Variants in KIF22 observed in about 807,000 individuals in gnomAD.
KIF22 encodes the protein kinesin-like protein KIF22.
Under a neutral mutation model 73.0 loss-of-function variants are expected in KIF22, and 62 were observed. The ratio of observed to expected loss-of-function variants is 0.85; its 90% CI spans 0.69 to 1.05. KIF22 has a LOEUF of 1.05. Among genes scored for constraint, KIF22 ranks in the 50% least tolerant of loss-of-function variants. The pLI is 0.00. For missense variants in KIF22, 854 were observed against 870.1 expected, an observed-to-expected ratio of 0.98 and a Z score of 0.23; for synonymous variants, 411 against 340.1, an observed-to-expected ratio of 1.21 and a Z score of -2.29.
At position 29,804,835 on chromosome 16, in the gene KIF22, G is replaced by C. The variant is rs1415238687; in HGVS notation, c.1699G>C (p.Glu567Gln). Residue 567 changes from glutamate to glutamine, a missense_variant, in exon 12 of 14, where the codon GAG becomes CAG. This residue lies in a region of KIF22 where 423 missense variants were observed against 365.4 expected (regional missense o/e 1.16). Transcript: ENST00000160827. ...KRKLESLDAL[E>Q]PEEKAEDCWE... is the part of the protein sequence containing the mutation. ...CCAGCTGGAGTCCCTGGATGCCCTA[G>C]AGCCTGAGGAGAAGGCTGAGGACTG... 9 of 1,612,000 alleles carry C rather than the reference G, an allele frequency of 5.6e-6. No homozygotes were observed. The highest frequency in any genetic ancestry group is 7.6e-6 in the Non-Finnish European group (9 of 1,179,312).
In KIF22 at chr16:29,804,729, A is replaced by G; in HGVS notation, c.1678-85A>G. On this transcript the variant is annotated intron_variant, in intron 11 of 13. Coordinates refer to ENST00000160827, the MANE Select transcript of KIF22 (RefSeq NM_007317.3). ...AGGAAGAGGCTGGAGCGCAGGAGGT[A>G]GCTGGTGCTGGGCTCCTAGTCTTGG... 2.9e-6 allele frequency: 3 copies of G among 1,052,422 alleles called. No individual in the cohort carries two copies. The South Asian group carries it at 4.1e-5, about 14-fold the overall frequency. 65.2% of individuals were successfully genotyped at this position (1,052,422 alleles called of 1,614,324 possible).
rs546477515 is a variant in KIF22 at position 29,799,739 on chromosome 16, G to A, written c.1102G>A (p.Val368Met). ...ALNFAARSKE[V>M]INRPFTNESL... is the part of the protein sequence containing the mutation. ...CAACTTTGCTGCCAGGTCCAAGGAG[G>A]TGATCAATCGGCCTTTTACCAATGA... Residue 368 changes from valine (V) to methionine (M), a missense_variant, in exon 7 of 14, where the codon GTG becomes ATG. Around this residue, in one of 3 missense-constraint regions of KIF22, gnomAD observed 245 missense variants for 351.8 expected, o/e 0.70. Coordinates refer to ENST00000160827, the MANE Select transcript of KIF22 (RefSeq NM_007317.3). 1 of 1,613,294 alleles carries A rather than the reference G, an allele frequency of 6.2e-7. No homozygotes were observed. The highest frequency in any genetic ancestry group is 1.1e-5 in the South Asian group (1 of 90,922).
At chr16:29,792,886 C>T (rs1898854323) in intron 1 of KIF22, among the ~76,000 whole-genome samples, 1 of 152,162 alleles carries the variant, frequency 6.6e-6, no homozygotes, top group African/African-American at 2.4e-5. Context: ...GGCAGGGAGA[C>T]ACCTTGCTAC....
intron 8 of KIF22, among the ~76,000 whole-genome samples, chr16:29,802,177 G>T (rs1333851549): frequency 6.6e-6 from 1 of 150,402 alleles, no homozygotes; most frequent in Non-Finnish European, 1.5e-5. Context: ...TGAGACAGGG[G>T]GATTGCTTAA....
chr16:29,793,514 T>G (rs1254777014), intron 1 of KIF22, among the ~76,000 whole-genome samples: 1 of 152,134 alleles, frequency 6.6e-6, no homozygotes, highest in African/African-American at 2.4e-5. Context: ...CAATAGGACT[T>G]ATCAGCTGTA....
chr16:29,791,757 T>C (rs1898823737), intron 1 of KIF22, among the ~76,000 whole-genome samples: 1 of 152,210 alleles, frequency 6.6e-6, no homozygotes, highest in Non-Finnish European at 1.5e-5. Context: ...CTAGTAAATA[T>C]TGGGGCTTGA....
Position 29,800,012 on chromosome 16 carries a change from C to T in KIF22, c.1244C>T (p.Pro415Leu), listed in dbSNP as rs760307966. Residue 415 changes from proline (P) to leucine (L), a missense_variant, in exon 8 of 14, where the codon CCC becomes CTC. Physicochemically the swap from Pro to Leu is moderately conservative, Grantham distance 98. Transcript: ENST00000160827. The stretch of plus-strand genomic sequence containing the variant: ...GAAGAGGAGATCGGGAGCCCTGAGC[C>T]CATGGCAGCTCCAGCCTCTGCCTCC... ...PEEEEIGSPE[P>L]MAAPASASQK... The T allele has an allele frequency of 1.2e-6, 2 of 1,613,684 alleles. No individual in the cohort carries two copies. Among genetic ancestry groups the T allele is most frequent in the South Asian group, 2.2e-5 (2 of 91,086 alleles).
Position 29,797,374 on chromosome 16 carries a change from T to C in KIF22, c.266+286T>C, listed in dbSNP as rs1898978855. 6.6e-6 allele frequency among the ~76,000 whole-genome samples: 1 copy of C among 151,896 alleles called. No individual in the cohort carries two copies. The highest frequency in any genetic ancestry group is 1.5e-5 in the Non-Finnish European group (1 of 67,976). ...CCCCAAGTAGAGGCTGGGGGACATA[T>C]CAGGAGGGTTGGCGGAACACAGACC... On this transcript the variant is annotated intron_variant, in intron 2 of 13. Coordinates refer to ENST00000160827, the MANE Select transcript of KIF22 (RefSeq NM_007317.3). This position sits in a 1 kb window ranked among gnomAD's most constrained non-coding sequence, Gnocchi z 4.1.
chr16:29,804,296 T>C (rs746684509), intron 11 of KIF22: 1 of 608,956 alleles, frequency 1.6e-6, no homozygotes. Flanking sequence ...TGTTCCACTG[T>C]GTAGCCTGGC....
intron 11 of KIF22, chr16:29,804,561 AC>A (rs777678440): frequency 5.9e-6 from 4 of 682,492 alleles, no homozygotes; most frequent in South Asian, 4.5e-5. Flanking sequence ...TCATTAACTC[AC>A]TTGATCTCCA....
chr16:29,792,712 C>G (rs1045905485), intron 1 of KIF22, among the ~76,000 whole-genome samples: 1 of 152,174 alleles, frequency 6.6e-6, no homozygotes, highest in Non-Finnish European at 1.5e-5. Flanking sequence ...ACCTTAGTCA[C>G]TCCAGGGTGG....
chr16:29,790,965 G>A (rs1309800691), intron 1 of KIF22, 136 bp downstream of exon 1: 2 of 1,492,002 alleles, frequency 1.3e-6, no homozygotes, highest in Non-Finnish European at 1.8e-6. Context: ...GAGGGGGACG[G>A]TGAGAGTGTG....
chr16:29,805,073 G>C (rs2142383332), intron 12 of KIF22, 42 bp from the exon 13 acceptor site: 1 of 1,611,800 alleles, frequency 6.2e-7, no homozygotes. Context: ...GGGAGACCGG[G>C]TACCCCCGAG....
At chr16:29,804,519 C>T in intron 11 of KIF22, 2 of 661,978 alleles carry the variant, frequency 3.0e-6, no homozygotes, top group Non-Finnish European at 2.8e-6. Flanking sequence ...AGATGAGGGA[C>T]CAGATTTAAG....
rs1898998115 is a variant in KIF22, at chr16:29,798,091, C to G, written c.267-283C>G. ...CTTATCTTCGTTTCCTAAATCACAG[C>G]AAAGTGTGGATATCTATCCTACCAG... On this transcript the variant is annotated intron_variant, in intron 2 of 13. Coordinates refer to ENST00000160827, the MANE Select transcript of KIF22 (RefSeq NM_007317.3). The surrounding 1 kb of genome is among the most constrained non-coding windows in gnomAD (Gnocchi z 4.1). Among the ~76,000 whole-genome samples, 1 of 152,168 alleles carries G rather than the reference C, an allele frequency of 6.6e-6. No homozygotes were observed. The highest frequency in any genetic ancestry group is 1.5e-5 in the Non-Finnish European group (1 of 68,040).
Position 29,800,004 on chromosome 16 carries a change from C to G in KIF22, c.1236C>G (p.Ser412Arg). Residue 412 changes from serine to arginine, a missense_variant, in exon 8 of 14, where the codon AGC (serine) becomes AGG (arginine). Coordinates refer to ENST00000160827, the MANE Select transcript of KIF22 (RefSeq NM_007317.3). ...ARGPEEEEIG[S>R]PEPMAAPASA... Reference sequence around the variant, plus strand: ...GCCCTGAGGAAGAGGAGATCGGGAGCCCTGAGCCCATGGCAGCTCCAGCCT... The same window carrying G: ...GCCCTGAGGAAGAGGAGATCGGGAGGCCTGAGCCCATGGCAGCTCCAGCCT... 5 of 1,613,768 alleles carry G rather than the reference C, an allele frequency of 3.1e-6. No homozygotes were observed. Among genetic ancestry groups the G allele is most frequent in the Non-Finnish European group, 4.2e-6 (5 of 1,180,018 alleles).
At position 29,804,829 on chromosome 16, in the gene KIF22, G is replaced by T; in HGVS notation, c.1693G>T (p.Ala565Ser). Residue 565 changes from alanine (A) to serine (S), a missense_variant, in exon 12 of 14, where the codon GCC becomes TCC. By Grantham distance (99) the Ala-to-Ser change is moderately conservative (BLOSUM62 1). This residue lies in a region of KIF22 where 423 missense variants were observed against 365.4 expected (regional missense o/e 1.16). Transcript: ENST00000160827. ...GRKRKLESLD[A>S]LEPEEKAEDC... ...TGCCTCCCAGCTGGAGTCCCTGGATGCCCTAGAGCCTGAGGAGAAGGCTGA... is the reference window on the plus strand; with the variant it reads ...TGCCTCCCAGCTGGAGTCCCTGGATTCCCTAGAGCCTGAGGAGAAGGCTGA... The T allele has an allele frequency of 6.2e-7, 1 of 1,610,060 alleles. No individual in the cohort carries two copies. Among genetic ancestry groups the T allele is most frequent in the Non-Finnish European group, 8.5e-7 (1 of 1,178,370 alleles).
intron 11 of KIF22, 59 bp downstream of exon 11, chr16:29,804,124 T>G: frequency 1.4e-6 from 2 of 1,390,724 alleles, no homozygotes; most frequent in Non-Finnish European, 2.0e-6. Context: ...GGGAGTAGGC[T>G]CTAGGGGGAG....
chr16:29,796,097 CCT>C (rs1198109318), intron 1 of KIF22, among the ~76,000 whole-genome samples: 3 of 151,652 alleles, frequency 2.0e-5, no homozygotes, highest in Non-Finnish European at 4.4e-5. Flanking sequence ...ATGGTGAAAC[CCT>C]GTTTCTACTG....
Sources: gnomAD v4.1 joint callset for allele counts (sites outside exome capture counted in the v4.1 genomes callset) on GRCh38, gnomAD v4.1.1 for gene constraint, gnomAD v4.1.1 regional missense constraint, Gnocchi (gnomAD v3.1) non-coding constraint, MANE v1.5 for transcripts, NCBI Gene and HGNC (gene_info 2026-07-23, HGNC 2026-07-21) for gene names.